Variants in ITGB6 observed in about 807,000 individuals in gnomAD.
ITGB6 encodes integrin subunit beta 6, also known as integrin beta-6.
Under a neutral mutation model 84.5 loss-of-function variants are expected in ITGB6, and 80 were observed. That is an observed-to-expected ratio of 0.95 (90% CI 0.79 to 1.14). The LOEUF (loss-of-function observed/expected upper bound fraction) is 1.14. Ranked by LOEUF, ITGB6 falls within the 50% of genes most tolerant of loss-of-function variation. The pLI is 0.00. For missense variants in ITGB6, 1,006 were observed against 968.0 expected (o/e 1.04, Z -0.52); for synonymous variants, 383 against 354.9 (o/e 1.08, Z -0.89).
At chr2:160,109,666 C>T (rs754609479) in intron 13 of ITGB6, among the ~76,000 whole-genome samples, 1 of 152,228 alleles carries the variant, frequency 6.6e-6, no homozygotes, top group Non-Finnish European at 1.5e-5. Flanking sequence ...TCTTGAGATG[C>T]TCAGACTGAA....
At chr2:160,173,893 A>G in intron 5 of ITGB6, 81 bp downstream of exon 5, 1 of 1,223,568 alleles carries the variant, frequency 8.2e-7, no homozygotes, top group Non-Finnish European at 1.1e-6. Flanking sequence ...AAAGGAAATT[A>G]GCTAATCTTT....
chr2:160,169,114 T>C, intron 7 of ITGB6, 98 bp downstream of exon 7: 2 of 697,538 alleles, frequency 2.9e-6, no homozygotes, highest in South Asian at 1.9e-5. Flanking sequence ...TTAATGATTA[T>C]CTAATGGCCT....
intron 7 of ITGB6, among the ~76,000 whole-genome samples, chr2:160,165,433 T>C (rs1244439004): frequency 6.6e-6 from 1 of 152,230 alleles, no homozygotes; most frequent in Non-Finnish European, 1.5e-5. Flanking sequence ...AACAGGAACA[T>C]TATAAAACAA....
At chr2:160,132,356 A>T (rs1438918756) in intron 10 of ITGB6, among the ~76,000 whole-genome samples, 3 of 152,156 alleles carry the variant, frequency 2.0e-5, no homozygotes. Flanking sequence ...TTCTCAGAAG[A>T]ACTTATTGGC....
intron 14 of ITGB6, among the ~76,000 whole-genome samples, chr2:160,103,276 C>T (rs572589313): frequency 1.3e-5 from 2 of 152,184 alleles, no homozygotes; most frequent in Non-Finnish European, 2.9e-5. Flanking sequence ...CGGTCTTTCC[C>T]ACTCACTGGC....
intron 12 of ITGB6, among the ~76,000 whole-genome samples, chr2:160,116,464 A>G (rs1251400948): frequency 6.6e-6 from 1 of 152,162 alleles, no homozygotes; most frequent in Non-Finnish European, 1.5e-5. Flanking sequence ...GCAAATGCTG[A>G]GAGATTTTTG....
chr2:160,123,738 C>T lies in ITGB6; in HGVS notation c.1981+53G>A, dbSNP rs745839051. The T allele has an allele frequency of 9.2e-5, 124 of 1,347,928 alleles. 1 individual carries two copies. Among genetic ancestry groups the T allele is most frequent in the Non-Finnish European group, 1.2e-4 (109 of 942,742 alleles). 83.5% of individuals were successfully genotyped at this position (1,347,928 alleles called of 1,614,324 possible). ...TCGATTCACAGAGGGTCAAGAACTA[C>T]GCCTCTCAAGAACTACATAAGGAAA... On this transcript the variant is annotated intron_variant, in intron 12 of 14. Coordinates refer to ENST00000283249, the MANE Select transcript of ITGB6 (RefSeq NM_000888.5).
intron 12 of ITGB6, among the ~76,000 whole-genome samples, chr2:160,118,671 T>G (rs140506910): frequency 0.2 from 29,741 of 151,376 alleles, 3,224 homozygotes; most frequent in Admixed American, 0.32. Flanking sequence ...CCAGGGCAAT[T>G]AGGCAGGAGA....
chr2:160,143,320 G>A (rs1684070597), intron 7 of ITGB6, among the ~76,000 whole-genome samples: 1 of 152,076 alleles, frequency 6.6e-6, no homozygotes, highest in Admixed American at 6.6e-5. Context: ...ATAAACTATG[G>A]TTCTGTAATC....
intron 7 of ITGB6, among the ~76,000 whole-genome samples, chr2:160,159,396 T>C (rs938804695): frequency 6.6e-6 from 1 of 152,156 alleles, no homozygotes; most frequent in Non-Finnish European, 1.5e-5. Context: ...TGTAGTGATT[T>C]GGAAAATAAA....
At chr2:160,167,732 G>C (rs1430367438) in intron 7 of ITGB6, among the ~76,000 whole-genome samples, 1 of 152,146 alleles carries the variant, frequency 6.6e-6, no homozygotes, top group Non-Finnish European at 1.5e-5. Context: ...CTTTTTAATA[G>C]CGGTTTTGGG....
intron 7 of ITGB6, among the ~76,000 whole-genome samples, chr2:160,165,234 A>T (rs189481835): frequency 6.6e-6 from 1 of 152,312 alleles, no homozygotes; most frequent in East Asian, 1.9e-4. Flanking sequence ...AATTAGCTAC[A>T]TTACAGCTTA....
At chr2:160,110,143 G>C (rs1319944307) in intron 13 of ITGB6, among the ~76,000 whole-genome samples, 1 of 152,158 alleles carries the variant, frequency 6.6e-6, no homozygotes, top group East Asian at 1.9e-4. Flanking sequence ...GGAGGCAGTA[G>C]AGCACAGTGG....
chr2:160,137,326 T>C, intron 10 of ITGB6, 108 bp downstream of exon 10: 1 of 1,036,050 alleles, frequency 9.7e-7, no homozygotes, highest in East Asian at 2.4e-5. Context: ...TCAGCAAATA[T>C]TTATTGAGCA....
At chr2:160,107,076 C>T (rs758806890) in intron 14 of ITGB6, among the ~76,000 whole-genome samples, 1 of 152,170 alleles carries the variant, frequency 6.6e-6, no homozygotes, top group African/African-American at 2.4e-5. Flanking sequence ...GAAGAGAAGG[C>T]AGTTAAATTA....
intron 7 of ITGB6, among the ~76,000 whole-genome samples, chr2:160,148,841 C>G (rs1684294888): frequency 6.6e-6 from 1 of 152,248 alleles, no homozygotes; most frequent in African/African-American, 2.4e-5. Context: ...GAGCCTTGCT[C>G]ACTGCTAATG....
At chr2:160,176,425 G>A (rs892266670) in intron 4 of ITGB6, among the ~76,000 whole-genome samples, 37 of 152,210 alleles carry the variant, frequency 2.4e-4, no homozygotes, top group Non-Finnish European at 3.4e-4. Flanking sequence ...CCAGTCTGTC[G>A]CTTCCAGGTA....
intron 14 of ITGB6, among the ~76,000 whole-genome samples, chr2:160,104,907 C>G (rs554896189): frequency 6.6e-6 from 1 of 152,296 alleles, no homozygotes; most frequent in African/African-American, 2.4e-5. Context: ...AGCCCTGTCA[C>G]TTTATGAGTC....
rs116344038 is a variant in ITGB6, at chr2:160,195,687, G to C, written c.347-72C>G. The C allele has an allele frequency of 4.8e-3, 7,530 of 1,558,684 alleles. 23 individuals carry two copies. Among genetic ancestry groups the C allele is most frequent in the Middle Eastern group, 9.6e-3 (42 of 4,380 alleles). On this transcript the variant is annotated intron_variant, in intron 3 of 14. Transcript: ENST00000283249. ...TTTATTTGCTACTGGCCACTCGCTG[G>C]GTCAGCTGGCTATTTCACCTCAATA... is the stretch of plus-strand genomic sequence containing the variant.
Sources: allele counts gnomAD v4.1 joint callset (sites outside exome capture counted in the v4.1 genomes callset), GRCh38; gene constraint gnomAD v4.1.1; transcripts MANE v1.5; gene names NCBI Gene and HGNC (gene_info 2026-07-23, HGNC 2026-07-21).